Variants in TYW3 observed in about 807,000 individuals in gnomAD.
TYW3 encodes tRNA-yW synthesizing protein 3 homolog.
Under a neutral mutation model 23.1 loss-of-function variants are expected in TYW3, and 26 were observed. That is an observed-to-expected ratio of 1.13 (90% CI 0.83 to 1.56). TYW3 has a LOEUF of 1.56. TYW3 is among the 40% of genes most tolerant of loss of function. TYW3 has a pLI of 0.00. For missense variants in TYW3, 316 were observed against 311.9 expected, an observed-to-expected ratio of 1.01 and a Z score of -0.10; for synonymous variants, 102 against 105.7, an observed-to-expected ratio of 0.97 and a Z score of 0.21.
intron 3 of TYW3, among the ~76,000 whole-genome samples, chr1:74,742,527 C>T (rs1648399062): frequency 6.6e-6 from 1 of 152,162 alleles, no homozygotes; most frequent in Non-Finnish European, 1.5e-5. Flanking sequence ...ACCAAGGGTC[C>T]TTCCGTAGGT....
chr1:74,759,707 G>A, intron 5 of TYW3, among the ~76,000 whole-genome samples: 1 of 152,180 alleles, frequency 6.6e-6, no homozygotes, highest in East Asian at 1.9e-4. Flanking sequence ...ACAGTGGCAT[G>A]ATCTTGGCTC....
chr1:74,733,998 G>A (rs192775231), intron 1 of TYW3: 1 of 152,076 alleles, frequency 6.6e-6, no homozygotes, highest in East Asian at 1.9e-4. Flanking sequence ...CTTTATGATG[G>A]GTTTACAGGG....
chr1:74,733,955 T>C (rs1191650459), intron 1 of TYW3, among the ~76,000 whole-genome samples: 1 of 150,088 alleles, frequency 6.7e-6, no homozygotes, highest in Non-Finnish European at 1.5e-5. Context: ...TACGATCGTA[T>C]ATAATTTAGG....
At chr1:74,754,215 G>C (rs1398420522) in intron 5 of TYW3, among the ~76,000 whole-genome samples, 1 of 152,164 alleles carries the variant, frequency 6.6e-6, no homozygotes, top group Admixed American at 6.5e-5. Flanking sequence ...CTTATAAATA[G>C]AGCCCAAGAT....
At chr1:74,741,412 C>T (rs752757821) in intron 3 of TYW3, among the ~76,000 whole-genome samples, 40 of 148,632 alleles carry the variant, frequency 2.7e-4, no homozygotes, top group Non-Finnish European at 5.3e-4. Flanking sequence ...CAGGTTCCTC[C>T]GGGGGTGTCC....
Position 74,748,823 on chromosome 1 carries a change from G to T in TYW3, c.426+1G>T. 4.3e-6 allele frequency: 7 copies of T among 1,613,774 alleles called. No homozygotes were observed. The highest frequency in any genetic ancestry group is 5.9e-6 in the Non-Finnish European group (7 of 1,179,774). On this transcript the variant is annotated splice_donor_variant, in intron 4 of 5. Transcript: ENST00000370867. LOFTEE classifies it high-confidence loss of function. ...GGGAAAGAGAGGAAAAACTATGTTGGTAAGATATTTTGTCAAAGAGTAATT... is the reference window on the plus strand; with the variant it reads ...GGGAAAGAGAGGAAAAACTATGTTGTTAAGATATTTTGTCAAAGAGTAATT...
rs192116279 is a variant in TYW3, at chr1:74,747,620, G to C, written c.355-1131G>C. On this transcript the variant is annotated intron_variant, in intron 3 of 5. Coordinates refer to ENST00000370867, the MANE Select transcript of TYW3 (RefSeq NM_138467.3). ...CCACTGCACTCCAGCCTGGGCGACA[G>C]AGCGAGACTCCGTCTCAAAAAAAAA... Among the ~76,000 whole-genome samples the C allele has an allele frequency of 2.8e-4, 41 of 144,860 alleles. No individual in the cohort carries two copies. In the East Asian group the frequency reaches 7.8e-3, roughly 28 times the overall value.
chr1:74,752,553 T>A, intron 5 of TYW3, 128 bp downstream of exon 5: 1 of 809,844 alleles, frequency 1.2e-6, no homozygotes, highest in Non-Finnish European at 1.8e-6. Context: ...AAAATACTTT[T>A]ATTATCATTA....
intron 2 of TYW3, 79 bp from the exon 3 acceptor site, chr1:74,738,611 T>A (rs965403424): frequency 6.8e-6 from 6 of 884,028 alleles, no homozygotes; most frequent in Non-Finnish European, 9.7e-6. Flanking sequence ...CTAAGAGAAA[T>A]TGAAGTTATG....
Position 74,766,482 on chromosome 1 carries a change from G to A in TYW3, c.*2369G>A, listed in dbSNP as rs145353641. 2 of 152,034 alleles carry A rather than the reference G, an allele frequency of 1.3e-5. No individual in the cohort carries two copies. Among genetic ancestry groups the A allele is most frequent in the South Asian group, 2.1e-4 (1 of 4,810 alleles). The allele number at this position is 152,034 out of a possible 1,614,324, so 9.4% of individuals were successfully genotyped here. A position where few individuals can be genotyped will look rare whatever the true frequency, so the allele number is the denominator to read the frequency against. ...TTATATCTTAGTTTTTCACAAAAAG[G>A]TTTTTCCAATGTTAAAAAAAATATA... On this transcript the variant is annotated 3_prime_UTR_variant, in exon 6 of 6. Coordinates refer to ENST00000370867, the MANE Select transcript of TYW3 (RefSeq NM_138467.3).
chr1:74,763,858 C>A, intron 5 of TYW3, 36 bp from the exon 6 acceptor site: 1 of 1,527,304 alleles, frequency 6.5e-7, no homozygotes, highest in Non-Finnish European at 8.8e-7. Flanking sequence ...CGTTTCAGTA[C>A]ACACAGATAT....
At chr1:74,763,366 G>C (rs994109105) in intron 5 of TYW3, among the ~76,000 whole-genome samples, 7 of 152,112 alleles carry the variant, frequency 4.6e-5, no homozygotes, top group Non-Finnish European at 7.4e-5. Context: ...ATGACATAAT[G>C]TTGTACTGCC....
chr1:74,752,447 A>G, intron 5 of TYW3, 22 bp downstream of exon 5: 2 of 1,607,310 alleles, frequency 1.2e-6, no homozygotes, highest in Non-Finnish European at 1.7e-6. Context: ...GGGTATTTCC[A>G]TGTTATTCTT....
At chr1:74,745,803 C>G (rs1648547904) in intron 3 of TYW3, among the ~76,000 whole-genome samples, 1 of 152,152 alleles carries the variant, frequency 6.6e-6, no homozygotes, top group African/African-American at 2.4e-5. Flanking sequence ...GCTGAAAGTC[C>G]AGGATGAAGG....
chr1:74,757,011 C>T (rs113782736), intron 5 of TYW3, among the ~76,000 whole-genome samples: 5 of 152,328 alleles, frequency 3.3e-5, no homozygotes, highest in South Asian at 4.1e-4. Context: ...GTTGAGCCTA[C>T]GAGTGGACAA....
chr1:74,739,938 A>G (rs1043485661), intron 3 of TYW3, among the ~76,000 whole-genome samples: 6 of 152,184 alleles, frequency 3.9e-5, no homozygotes, highest in African/African-American at 1.4e-4. Context: ...AGGGAGGAGG[A>G]GAAAGAGGAA....
intron 3 of TYW3, among the ~76,000 whole-genome samples, chr1:74,742,995 G>T (rs1648416411): frequency 6.6e-6 from 1 of 152,152 alleles, no homozygotes; most frequent in Non-Finnish European, 1.5e-5. Context: ...GCTCAGTGAG[G>T]GTGATGACAT....
chr1:74,764,881 A>T lies in TYW3; in HGVS notation c.*768A>T, dbSNP rs1649249529. ...ATCAAAAAGCATGGTATAGTCAGTG[A>T]TGGGGAATAGTCCAGAAAGGCTGAA... On this transcript the variant is annotated 3_prime_UTR_variant, in exon 6 of 6. Transcript: ENST00000370867. 6.6e-6 allele frequency: 1 copy of T among 152,248 alleles called. No homozygotes were observed. Among genetic ancestry groups the T allele is most frequent in the Non-Finnish European group, 1.5e-5 (1 of 68,058 alleles). The allele number at this position is 152,248 out of a possible 1,614,324, so 9.4% of individuals were successfully genotyped here. A position where few individuals can be genotyped will look rare whatever the true frequency, so the allele number is the denominator to read the frequency against.
At chr1:74,747,771 GTGTGTA>G (rs908295366) in intron 3 of TYW3, among the ~76,000 whole-genome samples, 4 of 150,326 alleles carry the variant, frequency 2.7e-5, no homozygotes, top group African/African-American at 1.0e-4. Flanking sequence ...ATGTGTATAT[GTGTGTA>G]TATGTATACA....
Sources: gnomAD v4.1 joint callset for allele counts (sites outside exome capture counted in the v4.1 genomes callset) on GRCh38, gnomAD v4.1.1 for gene constraint, MANE v1.5 for transcripts, NCBI Gene and HGNC (gene_info 2026-07-23, HGNC 2026-07-21) for gene names.